The following PCDHA9 variants were observed in gnomAD, a reference collection of about 807,000 sequenced individuals.
PCDHA9 encodes protocadherin alpha 9.
PCDHA9 carries 62 observed loss-of-function variants against 62.0 expected under a neutral mutation model. That is an observed-to-expected ratio of 1.00 (90% confidence interval 0.81 to 1.23). The LOEUF (loss-of-function observed/expected upper bound fraction) is 1.23, where lower values mean the gene tolerates loss of function less well. Among genes scored for constraint, PCDHA9 ranks in the 50% most tolerant of loss-of-function variants. The probability of loss-of-function intolerance (pLI) is 0.00; values close to 1 mark genes in which losing one functional copy is unlikely to be tolerated. For synonymous variants in PCDHA9, 557 were observed against 567.6 expected, an observed-to-expected ratio of 0.98 and a Z score of 0.27; for missense variants, 1,205 against 1,249.8, an observed-to-expected ratio of 0.96 and a Z score of 0.54.
At position 140,859,256 on chromosome 5, in the gene PCDHA9, G is replaced by T. The variant is rs182882850; in HGVS notation, c.2394+8367G>T. ...TCATGCTTATGTTTAATAATGAAGA[G>T]AATTTGAACACTTTTTACTTTTGAG... is the stretch of plus-strand genomic sequence containing the variant. On this transcript the variant is annotated intron_variant, in intron 1 of 3. Coordinates refer to ENST00000532602, the MANE Select transcript of PCDHA9 (RefSeq NM_031857.2). The T allele has an allele frequency of 2.0e-4, 26 of 131,456 alleles. 1 individual carries two copies. The East Asian group carries it at 5.2e-3, about 26-fold the overall frequency. The allele number at this position is 131,456 out of a possible 1,614,324, so 8.1% of individuals were successfully genotyped here.
At chr5:140,906,891 T>C (rs2073026399) in intron 1 of PCDHA9, among the ~76,000 whole-genome samples, 1 of 152,152 alleles carries the variant, frequency 6.6e-6, no homozygotes, top group South Asian at 2.1e-4. Context: ...CCTTCTTAGA[T>C]TGTTGGTTTA....
intron 1 of PCDHA9, among the ~76,000 whole-genome samples, chr5:140,952,559 G>A (rs1185999097): frequency 6.6e-6 from 1 of 152,108 alleles, no homozygotes; most frequent in Non-Finnish European, 1.5e-5. Flanking sequence ...TTCACTATCA[G>A]CACTTCGGTC....
intron 1 of PCDHA9, 171 bp downstream of exon 1, chr5:140,851,060 C>T (rs2041943229): frequency 1.5e-6 from 2 of 1,374,418 alleles, no homozygotes; most frequent in Admixed American, 2.8e-5. Flanking sequence ...GTCTTGACTT[C>T]TAGTGAGAAT....
chr5:141,010,327 G>A lies in PCDHA9; in HGVS notation c.*390G>A. 2 of 1,539,744 alleles carry A rather than the reference G, an allele frequency of 1.3e-6. No individual in the cohort carries two copies. Among genetic ancestry groups the A allele is most frequent in the African/African-American group, 2.8e-5 (2 of 72,602 alleles). ...AAAGTTTTGAGATTGAGCAGCTTGG[G>A]AGTTTGTGGCCACTGGGTATGTGTG... On this transcript the variant is annotated 3_prime_UTR_variant, in exon 4 of 4. Transcript: ENST00000532602.
At position 140,849,713 on chromosome 5, in the gene PCDHA9, G is replaced by T. The variant is rs2150446260; in HGVS notation, c.1218G>T (p.Ser406=). Residue 406 remains serine (S), a synonymous_variant, in exon 1 of 4, where the codon TCG becomes TCT. Transcript: ENST00000532602. ...KLVSTYKNYY[S]LVLDRALDRE... is the part of the protein sequence containing the mutation. ...TGTCCACCTACAAGAATTACTACTC[G>T]TTGGTGCTGGACAGAGCTCTGGACC... 1.9e-6 allele frequency: 3 copies of T among 1,598,578 alleles called. No homozygotes were observed. Among genetic ancestry groups the T allele is most frequent in the Non-Finnish European group, 2.6e-6 (3 of 1,168,026 alleles).
At chr5:140,954,149 G>A (rs1301810560) in intron 1 of PCDHA9, among the ~76,000 whole-genome samples, 2 of 152,204 alleles carry the variant, frequency 1.3e-5, no homozygotes, top group Non-Finnish European at 2.9e-5. Flanking sequence ...ATTCCATGGT[G>A]TATATGTACC....
In PCDHA9 at chr5:141,010,434, A is replaced by G; in HGVS notation, c.*497A>G. 9.7e-7 allele frequency: 1 copy of G among 1,031,156 alleles called. No homozygotes were observed. Among genetic ancestry groups the G allele is most frequent in the Non-Finnish European group, 1.4e-6 (1 of 732,962 alleles). 63.9% of individuals were successfully genotyped at this position (1,031,156 alleles called of 1,614,324 possible). A position where few individuals can be genotyped will look rare whatever the true frequency, so the allele number is the denominator to read the frequency against. ...TTGGTACAAGGAAGGCAAGAAAACA[A>G]AGACAAATAAACAGCGGAAGTTATC... On this transcript the variant is annotated 3_prime_UTR_variant, in exon 4 of 4. Transcript: ENST00000532602.
chr5:140,883,575 G>C (rs782472492), intron 1 of PCDHA9: 87 of 1,613,954 alleles, frequency 5.4e-5, no homozygotes, highest in Non-Finnish European at 7.4e-5. Context: ...CCTTCGCTGT[G>C]GGCCACGGCC....
intron 3 of PCDHA9, among the ~76,000 whole-genome samples, chr5:141,003,696 T>C (rs1554259206): frequency 6.6e-6 from 1 of 152,210 alleles, no homozygotes; most frequent in East Asian, 1.9e-4. Flanking sequence ...AATATATCCC[T>C]ACCAATTGTG....
chr5:140,882,605 C>T (rs1554174797), intron 1 of PCDHA9: 2 of 1,614,120 alleles, frequency 1.2e-6, no homozygotes, highest in Non-Finnish European at 1.7e-6. Context: ...CGTGGACAGG[C>T]CTCTGCAGGT....
chr5:140,866,367 C>T (rs1375421273), intron 1 of PCDHA9: 1 of 152,082 alleles, frequency 6.6e-6, no homozygotes, highest in African/African-American at 2.4e-5. Flanking sequence ...ATATTGCATA[C>T]TTCAATAACA....
At chr5:140,926,692 C>T in intron 1 of PCDHA9, 1 of 737,896 alleles carries the variant, frequency 1.4e-6, no homozygotes, top group Non-Finnish European at 2.0e-6. Context: ...CCTAGCAAGC[C>T]CGGCTCCCAG....
At chr5:140,876,531 T>G in intron 1 of PCDHA9, 1 of 1,614,200 alleles carries the variant, frequency 6.2e-7, no homozygotes, top group South Asian at 1.1e-5. Flanking sequence ...TAATGGTTAC[T>G]TCACTGTCGC....
At chr5:140,967,085 C>T in intron 1 of PCDHA9, 1 of 1,613,198 alleles carries the variant, frequency 6.2e-7, no homozygotes, top group Non-Finnish European at 8.5e-7. Context: ...GCGCATTGAT[C>T]GGGAGGCGCT....
chr5:140,967,003 C>T, intron 1 of PCDHA9: 1 of 1,605,342 alleles, frequency 6.2e-7, no homozygotes, highest in South Asian at 1.1e-5. Context: ...GCTTGCGCAT[C>T]AACCATCTGG....
In PCDHA9 at chr5:140,919,817, T is replaced by C. The variant is rs889103078; in HGVS notation, c.2395-59132T>C. Among the ~76,000 whole-genome samples the C allele has an allele frequency of 4.6e-5, 7 of 152,350 alleles. No homozygotes were observed. In the South Asian group the frequency reaches 1.0e-3, roughly 23 times the overall value. On this transcript the variant is annotated intron_variant, in intron 1 of 3. Coordinates refer to ENST00000532602, the MANE Select transcript of PCDHA9 (RefSeq NM_031857.2). ...TGGATTGAATTGTGGGCCTCAAAAA[T>C]ATATGTCCACATAGTAACCTTTGGA...
At chr5:140,885,270 A>G (rs251381) in intron 1 of PCDHA9, among the ~76,000 whole-genome samples, 102,023 of 151,894 alleles carry the variant, frequency 0.67, 34,437 homozygotes, top group Middle Eastern at 0.71. Flanking sequence ...ACTCATACAT[A>G]TATATATACA....
At chr5:140,940,080 T>C (rs1213223425) in intron 1 of PCDHA9, among the ~76,000 whole-genome samples, 3 of 152,248 alleles carry the variant, frequency 2.0e-5, no homozygotes, top group African/African-American at 7.2e-5. Flanking sequence ...GATATCTTTC[T>C]GCTAAATTGA....
At chr5:140,876,509 A>G (rs782112140) in intron 1 of PCDHA9, 2 of 1,614,020 alleles carry the variant, frequency 1.2e-6, no homozygotes, top group South Asian at 2.2e-5. Flanking sequence ...GTGAATGACA[A>G]TGTCCCTGAA....
Sources: allele counts gnomAD v4.1 joint callset (sites outside exome capture counted in the v4.1 genomes callset), GRCh38; gene constraint gnomAD v4.1.1; transcripts MANE v1.5; gene names NCBI Gene and HGNC (gene_info 2026-07-23, HGNC 2026-07-21).